The following LPL variants were observed in gnomAD, a reference collection of about 807,000 sequenced individuals.
The protein encoded by LPL is lipoprotein lipase.
In LPL, 43 loss-of-function variants were observed where a neutral mutation model predicts 52.2. The ratio of observed to expected loss-of-function variants is 0.82; its 90% CI spans 0.64 to 1.06. The LOEUF is 1.06. Among genes scored for constraint, LPL ranks in the 50% least tolerant of loss-of-function variants. The pLI is 0.00. For missense variants in LPL, 639 were observed against 585.3 expected, an observed-to-expected ratio of 1.09 and a Z score of -0.95; for synonymous variants, 244 against 215.6, an observed-to-expected ratio of 1.13 and a Z score of -1.15.
chr8:19,958,578 T>G (rs1290110627), intron 6 of LPL, among the ~76,000 whole-genome samples: 2 of 152,174 alleles, frequency 1.3e-5, no homozygotes, highest in Admixed American at 1.3e-4. Context: ...AAAAAAAATT[T>G]TATTTATTTC....
At chr8:19,954,548 A>G (rs1445936215) in intron 5 of LPL, among the ~76,000 whole-genome samples, 195 bp downstream of exon 5, 2 of 152,132 alleles carry the variant, frequency 1.3e-5, no homozygotes, top group Non-Finnish European at 1.5e-5. Flanking sequence ...TTTATTTACT[A>G]TACTGTAGGC....
At chr8:19,943,432 A>G (rs2069857194) in intron 1 of LPL, among the ~76,000 whole-genome samples, 2 of 152,208 alleles carry the variant, frequency 1.3e-5, no homozygotes, top group Non-Finnish European at 2.9e-5. Flanking sequence ...TAGCACTTAC[A>G]TTTTAACTAA....
At chr8:19,952,076 T>G in intron 3 of LPL, 128 bp downstream of exon 3, 2 of 1,017,978 alleles carry the variant, frequency 2.0e-6, no homozygotes, top group Non-Finnish European at 3.0e-6. Context: ...ATCTTCAGAA[T>G]CAGCGTGGAT....
At position 19,965,524 on chromosome 8, in the gene LPL, A is replaced by T. The variant is rs891244359; in HGVS notation, c.*214A>T. The T allele has an allele frequency of 3.1e-5, 17 of 553,570 alleles. No homozygotes were observed. Among genetic ancestry groups the T allele is most frequent in the Admixed American group, 9.2e-5 (3 of 32,434 alleles). 34.3% of individuals were successfully genotyped at this position (553,570 alleles called of 1,614,324 possible). On this transcript the variant is annotated 3_prime_UTR_variant, in exon 10 of 10. Coordinates refer to ENST00000650287, the MANE Select transcript of LPL (RefSeq NM_000237.3). ...TTCAATTTATGGGGTATAGTGGCCAAATAGCACATCCTCCAACGTTAAAAG... is the reference window on the plus strand; with the variant it reads ...TTCAATTTATGGGGTATAGTGGCCATATAGCACATCCTCCAACGTTAAAAG...
At chr8:19,948,443 C>T (rs1590139530) in intron 2 of LPL, 103 bp downstream of exon 2, 2 of 1,308,862 alleles carry the variant, frequency 1.5e-6, no homozygotes, top group East Asian at 4.7e-5. Context: ...CCCCACATCT[C>T]ACGTGGATCT....
intron 9 of LPL, among the ~76,000 whole-genome samples, chr8:19,962,924 C>T (rs1160155153): frequency 6.6e-6 from 1 of 152,216 alleles, no homozygotes; most frequent in Non-Finnish European, 1.5e-5. Flanking sequence ...ACCTTCACTA[C>T]TCCTGTTCTG....
chr8:19,954,828 T>C (rs913015903), intron 5 of LPL, among the ~76,000 whole-genome samples: 12 of 152,182 alleles, frequency 7.9e-5, no homozygotes, highest in Non-Finnish European at 1.3e-4. Flanking sequence ...ATGATTTTTG[T>C]TTGTTTGTTT....
Position 19,962,051 on chromosome 8 carries a change from TA to T in LPL, c.1323-63del, listed in dbSNP as rs1340710939. 6.5e-6 allele frequency: 7 copies of T among 1,075,534 alleles called. No homozygotes were observed. The African/African-American group carries it at 9.3e-5, about 14-fold the overall frequency. The allele number at this position is 1,075,534 out of a possible 1,614,324, so 66.6% of individuals were successfully genotyped here. A position where few individuals can be genotyped will look rare whatever the true frequency, so the allele number is the denominator to read the frequency against. ...TATTTAAACAGTCCTGACAGAACTG[TA>T]CCTTTGTGAACAGTGCTTTTGATTG... On this transcript the variant is annotated intron_variant, in intron 8 of 9. Coordinates refer to ENST00000650287, the MANE Select transcript of LPL (RefSeq NM_000237.3).
At chr8:19,957,272 C>G (rs1467718537) in intron 6 of LPL, among the ~76,000 whole-genome samples, 7 of 152,228 alleles carry the variant, frequency 4.6e-5, no homozygotes, top group Admixed American at 2.0e-4. Context: ...GAGGGACCAA[C>G]TTCAGGAAGG....
intron 6 of LPL, 64 bp from the exon 7 acceptor site, chr8:19,959,196 A>C (rs1471839900): frequency 5.0e-6 from 8 of 1,601,884 alleles, no homozygotes; most frequent in Non-Finnish European, 6.0e-6. Context: ...GAATTGCCTG[A>C]CTATTTGGGG....
intron 1 of LPL, among the ~76,000 whole-genome samples, chr8:19,947,656 A>AACC (rs774092810): frequency 5.7e-5 from 4 of 69,588 alleles, no homozygotes; most frequent in Non-Finnish European, 6.5e-5. Context: ...AAACAAAACA[A>AACC]CCCCCCCCCC....
chr8:19,964,415 T>A (rs577254028), intron 9 of LPL, among the ~76,000 whole-genome samples: 2 of 152,244 alleles, frequency 1.3e-5, no homozygotes, highest in African/African-American at 4.8e-5. Context: ...GTATTTTTTA[T>A]ATGTTACAAG....
At chr8:19,943,880 A>G (rs1321575024) in intron 1 of LPL, among the ~76,000 whole-genome samples, 3 of 152,198 alleles carry the variant, frequency 2.0e-5, no homozygotes, top group African/African-American at 4.8e-5. Flanking sequence ...TTCCATTAAT[A>G]AAACAACTTT....
chr8:19,959,727 A>G (rs1034075761), intron 7 of LPL, among the ~76,000 whole-genome samples: 1 of 151,044 alleles, frequency 6.6e-6, no homozygotes, highest in Non-Finnish European at 1.5e-5. Context: ...TGTACATATA[A>G]TATGTACAGA....
intron 6 of LPL, among the ~76,000 whole-genome samples, chr8:19,958,690 A>G (rs747903824): frequency 3.3e-5 from 5 of 152,180 alleles, no homozygotes; most frequent in East Asian, 1.9e-4. Context: ...GGAAAAATCA[A>G]CGAAATAAGT....
chr8:19,962,093 T>C, intron 8 of LPL, 22 bp from the exon 9 acceptor site: 1 of 1,511,740 alleles, frequency 6.6e-7, no homozygotes, highest in South Asian at 1.1e-5. Flanking sequence ...CATGGCATAT[T>C]CACATCCATT....
At chr8:19,961,140 A>AG in intron 8 of LPL, 57 bp downstream of exon 8, 3 of 1,519,254 alleles carry the variant, frequency 2.0e-6, no homozygotes, top group Non-Finnish European at 2.7e-6. Context: ...GTCAGGACCT[A>AG]GGGGCTGTAT....
intron 7 of LPL, among the ~76,000 whole-genome samples, chr8:19,959,586 AT>A (rs538674128): frequency 1.7e-4 from 26 of 152,120 alleles, no homozygotes; most frequent in African/African-American, 2.6e-4. Context: ...TACTAGTTAT[AT>A]TTTTTTATTT....
chr8:19,953,242 C>A, intron 3 of LPL, 68 bp from the exon 4 acceptor site: 1 of 898,176 alleles, frequency 1.1e-6, no homozygotes. Context: ...TATTTATATT[C>A]ATTTTGTTTC....
Sources: gnomAD v4.1 joint callset for allele counts (sites outside exome capture counted in the v4.1 genomes callset) on GRCh38, gnomAD v4.1.1 for gene constraint, MANE v1.5 for transcripts, NCBI Gene and HGNC (gene_info 2026-07-23, HGNC 2026-07-21) for gene names.